Variants in GRK7 observed in about 807,000 individuals in gnomAD.
GRK7 encodes rhodopsin kinase GRK7.
GRK7 carries 24 observed loss-of-function variants against 34.1 expected under a neutral mutation model. That is an observed-to-expected ratio of 0.70 (90% CI 0.51 to 0.99). GRK7 has a LOEUF of 0.99. Among genes scored for constraint, GRK7 ranks in the 50% least tolerant of loss-of-function variants. GRK7 has a pLI of 0.00. For missense variants in GRK7, 644 were observed against 707.3 expected (o/e 0.91, Z 1.02); for synonymous variants, 256 against 279.4 (o/e 0.92, Z 0.84).
At chr3:141,784,540 G>A (rs894074892) in intron 4 of GRK7, among the ~76,000 whole-genome samples, 1 of 152,102 alleles carries the variant, frequency 6.6e-6, no homozygotes, top group Non-Finnish European at 1.5e-5. Context: ...ACACAGCTAA[G>A]TAAACCCCCT....
In GRK7 at chr3:141,778,098, C is replaced by G. The variant is rs1006369977; in HGVS notation, c.-113-74C>G. Reference sequence around the variant, plus strand: ...ATGACCTATCGTGTGCAGTTCCTGGCGGGCTATACATAGCCAGTCAAAGCT... The same window carrying G: ...ATGACCTATCGTGTGCAGTTCCTGGGGGGCTATACATAGCCAGTCAAAGCT... On this transcript the variant is annotated intron_variant, in intron 2 of 5. Transcript: ENST00000682958. The surrounding 1 kb of genome is among the most constrained non-coding windows in gnomAD (Gnocchi z 4.1). The G allele has an allele frequency of 1.5e-6, 1 of 661,064 alleles. No individual in the cohort carries two copies. Among genetic ancestry groups the G allele is most frequent in the South Asian group, 2.5e-5 (1 of 40,162 alleles). The allele number at this position is 661,064 out of a possible 1,614,324, so 40.9% of individuals were successfully genotyped here.
At chr3:141,755,134 G>A in the GRK7 span, among the ~76,000 whole-genome samples, 1 of 152,194 alleles carries the variant, frequency 6.6e-6, no homozygotes, top group Admixed American at 6.5e-5. Flanking sequence ...GAAATAGCAT[G>A]TGGTGGCTTT....
At position 141,803,256 on chromosome 3, in the gene GRK7, GTC is replaced by G. The variant is rs1298871028; in HGVS notation, c.1051-4385_1051-4384del. Among the ~76,000 whole-genome samples, 5 of 123,954 alleles carry G rather than the reference GTC, an allele frequency of 4.0e-5. No individual in the cohort carries two copies. The South Asian group carries it at 1.4e-3, about 36-fold the overall frequency. 81.3% of individuals were successfully genotyped at this position (123,954 alleles called of 152,430 possible). A position where few individuals can be genotyped will look rare whatever the true frequency, so the allele number is the denominator to read the frequency against. On this transcript the variant is annotated intron_variant, in intron 4 of 5. Transcript: ENST00000682958. ...AGCCTGGCCAACATGGTGAAACCCT[GTC>G]TCTACTGAAAAAAAAAAAAAAAAAA...
chr3:141,805,607 C>T (rs1028932077), intron 4 of GRK7, among the ~76,000 whole-genome samples: 4 of 152,160 alleles, frequency 2.6e-5, no homozygotes, highest in Non-Finnish European at 4.4e-5. Flanking sequence ...ATGCACAGCC[C>T]GTTAGATCCT....
At chr3:141,773,619 T>C (rs894138181) in intron 1 of GRK7, among the ~76,000 whole-genome samples, 1 of 152,150 alleles carries the variant, frequency 6.6e-6, no homozygotes, top group Non-Finnish European at 1.5e-5. Context: ...TTTCACCGTG[T>C]TAGCCAGGAT....
chr3:141,781,486 G>A (rs1180770633), intron 4 of GRK7, among the ~76,000 whole-genome samples: 1 of 148,930 alleles, frequency 6.7e-6, no homozygotes, highest in African/African-American at 2.5e-5. Context: ...GTAGTGAGCC[G>A]AGATCATGCC....
rs575138387 is a variant in GRK7 at position 141,777,469 on chromosome 3, C to T, written c.-113-703C>T. 4.9e-5 allele frequency among the ~76,000 whole-genome samples: 7 copies of T among 141,464 alleles called. No homozygotes were observed. In the South Asian group the frequency reaches 1.4e-3, roughly 28 times the overall value. The allele number at this position is 141,464 out of a possible 152,430, so 92.8% of individuals were successfully genotyped here. ...CCTCCCGAGTAGCTGGGACTACAGG[C>T]GCCCGCCATCAAGCCCGGCTAATTT... On this transcript the variant is annotated intron_variant, in intron 2 of 5. Transcript: ENST00000682958.
At chr3:141,804,300 G>A (rs1419715853) in intron 4 of GRK7, among the ~76,000 whole-genome samples, 3 of 152,014 alleles carry the variant, frequency 2.0e-5, no homozygotes, top group African/African-American at 7.2e-5. Context: ...AAAGGAAAAG[G>A]GAGACTGGGA....
intron 5 of GRK7, among the ~76,000 whole-genome samples, chr3:141,813,000 T>C (rs1711108242): frequency 1.3e-5 from 2 of 152,222 alleles, no homozygotes; most frequent in African/African-American, 4.8e-5. Context: ...CTGATTTATT[T>C]GGATGGCATT....
chr3:141,797,821 G>A (rs1273633123), intron 4 of GRK7, among the ~76,000 whole-genome samples: 2 of 152,148 alleles, frequency 1.3e-5, no homozygotes, highest in African/African-American at 4.8e-5. Context: ...TGGAATTGGA[G>A]GTTGCCAAGT....
rs192366672 is a variant in GRK7 at position 141,805,868 on chromosome 3, C to T, written c.1051-1777C>T. On this transcript the variant is annotated intron_variant, in intron 4 of 5. Transcript: ENST00000682958. ...GGCTAGAGTGCTGTGGCTCGTCTATCGCACTACAGCCTCGAACTCCTTGGC... is the reference window on the plus strand; with the variant it reads ...GGCTAGAGTGCTGTGGCTCGTCTATTGCACTACAGCCTCGAACTCCTTGGC... 2.4e-3 allele frequency among the ~76,000 whole-genome samples: 369 copies of T among 152,296 alleles called. 9 individuals are homozygous for T. Among genetic ancestry groups the T allele is most frequent in the East Asian group, 1.7e-3 (9 of 5,190 alleles).
At position 141,780,282 on chromosome 3, in the gene GRK7, C is replaced by T. The variant is rs2084665243; in HGVS notation, c.613-92C>T. On this transcript the variant is annotated intron_variant, in intron 3 of 5. Transcript: ENST00000682958. Reference sequence around the variant, plus strand: ...AGCTACTCCTTTCTCCAATGCCTAACATCTTTCCACCCACCTCCTCCTTTA... The same window carrying T: ...AGCTACTCCTTTCTCCAATGCCTAATATCTTTCCACCCACCTCCTCCTTTA... The T allele has an allele frequency of 3.6e-6, 4 of 1,098,452 alleles. No individual in the cohort carries two copies. The Admixed American group carries it at 7.9e-5, about 22-fold the overall frequency. 68.0% of individuals were successfully genotyped at this position (1,098,452 alleles called of 1,614,324 possible). A position where few individuals can be genotyped will look rare whatever the true frequency, so the allele number is the denominator to read the frequency against.
At chr3:141,784,446 A>G (rs558627432) in intron 4 of GRK7, among the ~76,000 whole-genome samples, 1 of 152,262 alleles carries the variant, frequency 6.6e-6, no homozygotes, top group African/African-American at 2.4e-5. Flanking sequence ...GGGTGAGGGG[A>G]GAGAGATGGA....
At chr3:141,791,775 G>A (rs1459745976) in intron 4 of GRK7, among the ~76,000 whole-genome samples, 1 of 151,976 alleles carries the variant, frequency 6.6e-6, no homozygotes, top group African/African-American at 2.4e-5. Flanking sequence ...AGGCCAAGGT[G>A]GGCAGATCAC....
intron 4 of GRK7, among the ~76,000 whole-genome samples, chr3:141,792,705 A>C (rs766167905): frequency 6.6e-6 from 1 of 152,208 alleles, no homozygotes; most frequent in Non-Finnish European, 1.5e-5. Flanking sequence ...TTTGGTCTTC[A>C]TCCCATTTTC....
chr3:141,754,914 T>G, the GRK7 span, among the ~76,000 whole-genome samples: 15 of 152,332 alleles, frequency 9.8e-5, no homozygotes, highest in Non-Finnish European at 1.6e-4. Context: ...AAAGCAAAGT[T>G]TTTTTAAATA....
intron 1 of GRK7, among the ~76,000 whole-genome samples, chr3:141,771,851 A>G (rs2084618798): frequency 6.6e-6 from 1 of 151,500 alleles, no homozygotes; most frequent in African/African-American, 2.4e-5. Context: ...TGCCCGGCTA[A>G]TTTTTGTATT....
At chr3:141,815,852 G>T (rs907491042) in intron 5 of GRK7, among the ~76,000 whole-genome samples, 9 of 151,972 alleles carry the variant, frequency 5.9e-5, no homozygotes, top group Non-Finnish European at 8.8e-5. Context: ...AAATCCCCCA[G>T]CCTCAGCTGA....
chr3:141,818,726 TA>T lies in GRK7; in HGVS notation c.*1684del, dbSNP rs969209543. On this transcript the variant is annotated 3_prime_UTR_variant, in exon 6 of 6. Transcript: ENST00000682958. ...ATAAAATCTAAATTTATCCCAGTGG[TA>T]AAAAAAACCTGGCTGAAGTCAGTTT... Among the ~76,000 whole-genome samples, 19 of 152,156 alleles carry T rather than the reference TA, an allele frequency of 1.2e-4. No individual in the cohort carries two copies. The highest frequency in any genetic ancestry group is 2.0e-4 in the Admixed American group (3 of 15,282).
Sources: allele counts gnomAD v4.1 joint callset (sites outside exome capture counted in the v4.1 genomes callset), GRCh38; gene constraint gnomAD v4.1.1; non-coding constraint Gnocchi (gnomAD v3.1); transcripts MANE v1.5; gene names NCBI Gene and HGNC (gene_info 2026-07-23, HGNC 2026-07-21).